DAD1: variants seen among roughly 807,000 people sequenced by gnomAD.
DAD1 encodes defender against cell death 1, also known as dolichyl-diphosphooligosaccharide--protein glycosyltransferase subunit DAD1.
A neutral mutation model predicts 9.0 loss-of-function variants in DAD1; 4 were observed. The observed-to-expected ratio is 0.44, with a 90% CI of 0.22 to 1.01. The LOEUF is 1.01. Ranked by LOEUF, DAD1 falls within the 50% of genes least tolerant of loss-of-function variation. DAD1 has a pLI of 0.24. For missense variants in DAD1, 119 were observed against 137.3 expected, an observed-to-expected ratio of 0.87 and a Z score of 0.67; for synonymous variants, 60 against 62.5, an observed-to-expected ratio of 0.96 and a Z score of 0.19.
chr14:22,572,854 T>C (rs1009588711), intron 2 of DAD1, among the ~76,000 whole-genome samples: 4 of 152,158 alleles, frequency 2.6e-5, no homozygotes, highest in African/African-American at 4.8e-5. Context: ...ACATGACCTT[T>C]CCAGAAGGCT....
At chr14:22,569,919 T>G (rs1164888812) in intron 2 of DAD1, among the ~76,000 whole-genome samples, 1 of 152,144 alleles carries the variant, frequency 6.6e-6, no homozygotes, top group Non-Finnish European at 1.5e-5. Context: ...GGAGGATCAC[T>G]TGACCCCAGG....
intron 2 of DAD1, among the ~76,000 whole-genome samples, chr14:22,571,623 CTCT>C (rs1299075875): frequency 9.1e-6 from 1 of 110,144 alleles, no homozygotes; most frequent in Non-Finnish European, 1.8e-5. Flanking sequence ...TAGCAAGGGG[CTCT>C]TTTTTTTTTT....
chr14:22,573,619 A>T, intron 2 of DAD1, among the ~76,000 whole-genome samples: 1 of 150,198 alleles, frequency 6.7e-6, no homozygotes, highest in Non-Finnish European at 1.5e-5. Flanking sequence ...CTGAGGCAGG[A>T]GAATGGCATG....
chr14:22,573,709 C>CAAA (rs553176098), intron 2 of DAD1, among the ~76,000 whole-genome samples: 455 of 44,412 alleles, frequency 0.01, 18 homozygotes, highest in Middle Eastern at 0.022. Context: ...GACTCCATCT[C>CAAA]AAAAAAAAAA....
chr14:22,567,590 C>A (rs1206294323), intron 2 of DAD1, among the ~76,000 whole-genome samples: 1 of 152,200 alleles, frequency 6.6e-6, no homozygotes, highest in Non-Finnish European at 1.5e-5. Context: ...CTGTCCAACA[C>A]CACAGCCACT....
intron 1 of DAD1, among the ~76,000 whole-genome samples, chr14:22,588,149 A>G (rs181659188): frequency 9.2e-5 from 14 of 152,364 alleles, no homozygotes; most frequent in Admixed American, 8.5e-4. Flanking sequence ...TGGACTGAAA[A>G]TACAACTGAT....
chr14:22,583,617 T>A (rs934965622), intron 1 of DAD1, among the ~76,000 whole-genome samples: 58 of 152,256 alleles, frequency 3.8e-4, no homozygotes, highest in Non-Finnish European at 6.2e-4. Flanking sequence ...CAAACGGATT[T>A]TTTTTAAATA....
At chr14:22,587,128 T>C (rs1208875187) in intron 1 of DAD1, among the ~76,000 whole-genome samples, 3 of 152,190 alleles carry the variant, frequency 2.0e-5, no homozygotes, top group Non-Finnish European at 4.4e-5. Flanking sequence ...GTGAAAGTCA[T>C]TTGCTCAAAA....
chr14:22,568,164 A>G (rs766474389), intron 2 of DAD1, among the ~76,000 whole-genome samples: 1 of 152,230 alleles, frequency 6.6e-6, no homozygotes, highest in East Asian at 1.9e-4. Context: ...TACATCAACT[A>G]AAGTTTCACC....
intron 2 of DAD1, among the ~76,000 whole-genome samples, chr14:22,571,681 G>A (rs1052443523): frequency 7.0e-6 from 1 of 143,088 alleles, no homozygotes; most frequent in Admixed American, 7.3e-5. Context: ...CCAGGCTGGA[G>A]TGCAATGGTG....
intron 1 of DAD1, among the ~76,000 whole-genome samples, chr14:22,577,854 GTGA>G (rs1365870296): frequency 6.7e-6 from 1 of 149,024 alleles, no homozygotes; most frequent in Non-Finnish European, 1.5e-5. Context: ...GATATGGATA[GTGA>G]TGATGATTTT....
chr14:22,588,005 G>A (rs1415737302), intron 1 of DAD1, among the ~76,000 whole-genome samples: 2 of 152,134 alleles, frequency 1.3e-5, no homozygotes. Context: ...CAAAGTACTG[G>A]GATTACAGGC....
chr14:22,589,222 T>C lies in DAD1; in HGVS notation c.-65A>G, dbSNP rs2037176255. On this transcript the variant is annotated 5_prime_UTR_variant, in exon 1 of 3. Transcript: ENST00000250498. ...TGGAGGACCCGTCGACCACACCGGA[T>C]GTGCTGTTTGCGCATGCGCACCCTC... The C allele has an allele frequency of 1.3e-6, 2 of 1,560,208 alleles. No individual in the cohort carries two copies. Among genetic ancestry groups the C allele is most frequent in the Non-Finnish European group, 1.8e-6 (2 of 1,136,872 alleles).
At position 22,565,008 on chromosome 14, in the gene DAD1, C is replaced by T; in HGVS notation, c.*174G>A. Reference sequence around the variant, plus strand: ...TGTTTGTTAGAAAGTTGTTCTGACACACAGTGAACTCTGGGCTTTTCTCCT... The same window carrying T: ...TGTTTGTTAGAAAGTTGTTCTGACATACAGTGAACTCTGGGCTTTTCTCCT... On this transcript the variant is annotated 3_prime_UTR_variant, in exon 3 of 3. Coordinates refer to ENST00000250498, the MANE Select transcript of DAD1 (RefSeq NM_001344.4). The T allele has an allele frequency of 1.5e-6, 1 of 657,212 alleles. No individual in the cohort carries two copies. Among genetic ancestry groups the T allele is most frequent in the Non-Finnish European group, 2.8e-6 (1 of 363,056 alleles). 40.7% of individuals were successfully genotyped at this position (657,212 alleles called of 1,614,324 possible).
intron 1 of DAD1, among the ~76,000 whole-genome samples, chr14:22,582,207 AAAAAAT>A (rs1264125919): frequency 8.1e-5 from 12 of 148,352 alleles, no homozygotes; most frequent in African/African-American, 2.2e-4. Context: ...CTGCGTCTCA[AAAAAAT>A]AAAAATAAAA....
chr14:22,577,224 A>T (rs925119811), intron 1 of DAD1, among the ~76,000 whole-genome samples: 5 of 152,182 alleles, frequency 3.3e-5, no homozygotes, highest in African/African-American at 9.7e-5. Flanking sequence ...ACCCGAGGTC[A>T]GGAGTTCGAG....
chr14:22,580,197 C>T (rs933421061), intron 1 of DAD1, among the ~76,000 whole-genome samples: 2 of 151,948 alleles, frequency 1.3e-5, no homozygotes, highest in East Asian at 1.9e-4. Context: ...GTGGGAGGAT[C>T]GCTTGAGCCC....
At chr14:22,571,008 ATTTTTT>A (rs59314743) in intron 2 of DAD1, among the ~76,000 whole-genome samples, 21,850 of 145,654 alleles carry the variant, frequency 0.15, 2,056 homozygotes, top group African/African-American at 0.27. Context: ...ATGGACTGAG[ATTTTTT>A]TTTTTTTTTT....
rs763078200 is a variant in DAD1, at chr14:22,589,138, G to A, written c.20C>T (p.Ser7Phe). 4.3e-6 allele frequency: 7 copies of A among 1,614,214 alleles called. No individual in the cohort carries two copies. The South Asian group carries it at 5.5e-5, about 13-fold the overall frequency. The change falls in exon 1 of 3, where the codon TCT becomes TTT. Residue 7 changes from serine to phenylalanine, a missense_variant. Transcript: ENST00000250498. MSASVV[S>F]VISRFLEEYL... ...CTCTTCTAAGAACCGCGAAATGACAGACACTACCGACGCCGACATAACTGC... is the reference window on the plus strand; with the variant it reads ...CTCTTCTAAGAACCGCGAAATGACAAACACTACCGACGCCGACATAACTGC...
Sources: gnomAD v4.1 joint callset for allele counts (sites outside exome capture counted in the v4.1 genomes callset) on GRCh38, gnomAD v4.1.1 for gene constraint, MANE v1.5 for transcripts, NCBI Gene and HGNC (gene_info 2026-07-23, HGNC 2026-07-21) for gene names.